DNMT3A: variants seen among roughly 807,000 people sequenced by gnomAD.
The protein encoded by DNMT3A is DNA (cytosine-5)-methyltransferase 3A.
Under a neutral mutation model 117.6 loss-of-function variants are expected in DNMT3A, and 267 were observed. The ratio of observed to expected loss-of-function variants is 2.27; its 90% CI spans 2.05 to 2.51. The LOEUF (loss-of-function observed/expected upper bound fraction) is 2.51, where lower values mean the gene tolerates loss of function less well. Among genes scored for constraint, DNMT3A ranks in the 30% most tolerant of loss-of-function variants. DNMT3A has a pLI of 0.00. For synonymous variants in DNMT3A, 432 were observed against 474.8 expected (o/e 0.91, Z 1.17); for missense variants, 1,029 against 1,260.2 (o/e 0.82, Z 2.78).
In DNMT3A at chr2:25,243,966, T is replaced by TA. The variant is rs1553412022; in HGVS notation, c.1867dup (p.Tyr623LeufsTer7). 6.4e-7 allele frequency: 1 copy of TA among 1,553,506 alleles called. No individual in the cohort carries two copies. ...CCTCTTCTCAGCTGGGACAGGTGGG[T>TA]AAACCTTTGGAGGGTCCTAAGCAGT... On this transcript the variant is annotated frameshift_variant, in exon 16 of 23. Coordinates refer to ENST00000321117, the MANE Select transcript of DNMT3A (RefSeq NM_022552.5). LOFTEE classifies it high-confidence loss of function.
intron 6 of DNMT3A, among the ~76,000 whole-genome samples, chr2:25,266,827 A>T (rs1219359811): frequency 6.6e-6 from 1 of 152,258 alleles, no homozygotes; most frequent in Admixed American, 6.5e-5. Context: ...TCACAGAAGC[A>T]TAAATTGGAG....
At chr2:25,269,139 T>G (rs1280078068) in intron 6 of DNMT3A, among the ~76,000 whole-genome samples, 1 of 152,138 alleles carries the variant, frequency 6.6e-6, no homozygotes, top group African/African-American at 2.4e-5. Context: ...CAGGTCAACA[T>G]AGCAAAACCC....
Position 25,282,434 on chromosome 2 carries a change from G to A in DNMT3A, c.448+7C>T, listed in dbSNP as rs773465605. The A allele has an allele frequency of 8.7e-6, 14 of 1,611,492 alleles. No individual in the cohort carries two copies. The highest frequency in any genetic ancestry group is 2.7e-5 in the African/African-American group (2 of 74,874). On this transcript the variant is annotated splice_region_variant and intron_variant, in intron 4 of 22. Coordinates refer to ENST00000321117, the MANE Select transcript of DNMT3A (RefSeq NM_022552.5). The surrounding 1 kb of genome is among the most constrained non-coding windows in gnomAD (Gnocchi z 5.2). ...AGAAGAGGCTGCCCCTGGTGCTGAG[G>A]ACTCACCCGCTTCTGCAGGGGCTCC...
At chr2:25,276,897 C>T (rs1194192093) in intron 4 of DNMT3A, among the ~76,000 whole-genome samples, 1 of 152,262 alleles carries the variant, frequency 6.6e-6, no homozygotes, top group Non-Finnish European at 1.5e-5. Flanking sequence ...AGTGTTCACG[C>T]CGCGGGTCCT....
chr2:25,280,866 G>C (rs1050981232), intron 4 of DNMT3A, among the ~76,000 whole-genome samples: 2 of 152,210 alleles, frequency 1.3e-5, no homozygotes, highest in African/African-American at 2.4e-5. Flanking sequence ...CTCAAGGCCA[G>C]AGAACAGCTT....
intron 6 of DNMT3A, among the ~76,000 whole-genome samples, chr2:25,264,132 GTTTTTTTTTTT>G (rs1175186554): frequency 1.4e-5 from 1 of 73,740 alleles, no homozygotes; most frequent in Non-Finnish European, 2.3e-5. Flanking sequence ...CAACCCTTTG[GTTTTTTTTTTT>G]TTTTTTTTTT....
rs891926750 is a variant in DNMT3A, at chr2:25,293,582, G to A, written c.177+6557C>T. 2.6e-5 allele frequency among the ~76,000 whole-genome samples: 4 copies of A among 151,880 alleles called. No homozygotes were observed. Among genetic ancestry groups the A allele is most frequent in the African/African-American group, 9.7e-5 (4 of 41,314 alleles). Reference sequence around the variant, plus strand: ...TGGCTCACTGCAGCCTCAACCTCCCGGGGTCAAGAGATCCTCCTGCCTTAG... The same window carrying A: ...TGGCTCACTGCAGCCTCAACCTCCCAGGGTCAAGAGATCCTCCTGCCTTAG... On this transcript the variant is annotated intron_variant, in intron 3 of 22. Coordinates refer to ENST00000321117, the MANE Select transcript of DNMT3A (RefSeq NM_022552.5). This position sits in a 1 kb window ranked among gnomAD's most constrained non-coding sequence, Gnocchi z 4.7.
chr2:25,232,203 C>G lies in DNMT3A; in HGVS notation c.*2076G>C, dbSNP rs1200158459. ...ACTTGGGGCCATGTGCTTGCCGACACACCTCCCAGCTCTACCAGTCCCAGG... is the reference window on the plus strand; with the variant it reads ...ACTTGGGGCCATGTGCTTGCCGACAGACCTCCCAGCTCTACCAGTCCCAGG... On this transcript the variant is annotated 3_prime_UTR_variant, in exon 23 of 23. Transcript: ENST00000321117. This position sits in a 1 kb window ranked among gnomAD's most constrained non-coding sequence, Gnocchi z 4.1. 1 of 152,158 alleles carries G rather than the reference C, an allele frequency of 6.6e-6. No homozygotes were observed. Among genetic ancestry groups the G allele is most frequent in the Non-Finnish European group, 1.5e-5 (1 of 68,060 alleles). 9.4% of individuals were successfully genotyped at this position (152,158 alleles called of 1,614,324 possible). A position where few individuals can be genotyped will look rare whatever the true frequency, so the allele number is the denominator to read the frequency against.
intron 3 of DNMT3A, among the ~76,000 whole-genome samples, chr2:25,289,626 G>A (rs1444401792): frequency 2.0e-5 from 3 of 152,312 alleles, no homozygotes; most frequent in Admixed American, 6.5e-5. Flanking sequence ...GCCGACTCCC[G>A]CTCTGGGTTG....
intron 3 of DNMT3A, among the ~76,000 whole-genome samples, chr2:25,292,955 G>A (rs924256211): frequency 2.0e-5 from 3 of 152,006 alleles, no homozygotes; most frequent in South Asian, 2.1e-4. Context: ...TGAATGACTC[G>A]CTGAAGGTGG....
intron 2 of DNMT3A, among the ~76,000 whole-genome samples, chr2:25,309,611 A>G (rs2033990421): frequency 6.6e-6 from 1 of 152,182 alleles, no homozygotes; most frequent in Non-Finnish European, 1.5e-5. Flanking sequence ...AGGAGCGCAG[A>G]AGCCAGCCTC....
intron 3 of DNMT3A, among the ~76,000 whole-genome samples, chr2:25,291,843 G>A (rs978158640): frequency 5.3e-5 from 8 of 152,202 alleles, no homozygotes; most frequent in Non-Finnish European, 1.0e-4. Context: ...GTGAGTGGCC[G>A]GCCCACTCAG....
chr2:25,258,951 G>T (rs919844429), intron 6 of DNMT3A, among the ~76,000 whole-genome samples: 3 of 152,160 alleles, frequency 2.0e-5, no homozygotes, highest in Non-Finnish European at 4.4e-5. Flanking sequence ...GATGCAGGAT[G>T]GGGGAGCCCA....
intron 2 of DNMT3A, among the ~76,000 whole-genome samples, chr2:25,301,252 G>C (rs1218470844): frequency 7.8e-6 from 1 of 127,458 alleles, no homozygotes; most frequent in Non-Finnish European, 1.7e-5. Context: ...CTGGGAGACA[G>C]AGCGAGACTG....
chr2:25,277,780 G>C (rs1326955523), intron 4 of DNMT3A, among the ~76,000 whole-genome samples: 1 of 152,104 alleles, frequency 6.6e-6, no homozygotes, highest in Admixed American at 6.5e-5. Context: ...GGGGTGGAGT[G>C]ACTTAAGGCC....
Position 25,329,676 on chromosome 2 carries a change from CACACACACACACACACA to C in DNMT3A, c.-178+12133_-178+12149del, listed in dbSNP as rs1558746489. Among the ~76,000 whole-genome samples the C allele has an allele frequency of 7.7e-3, 256 of 33,306 alleles. 7 individuals are homozygous for C. Among genetic ancestry groups the C allele is most frequent in the African/African-American group, 0.012 (240 of 19,728 alleles). 21.9% of individuals were successfully genotyped at this position (33,306 alleles called of 152,430 possible). ...GTCTCTCACAGTCATGCAGACCCCA[CACACACACACACACACA>C]CACACACACACACACACACAGACAC... On this transcript the variant is annotated intron_variant, in intron 1 of 22. Coordinates refer to ENST00000321117, the MANE Select transcript of DNMT3A (RefSeq NM_022552.5).
intron 1 of DNMT3A, among the ~76,000 whole-genome samples, chr2:25,328,899 G>C (rs980236182): frequency 1.3e-5 from 2 of 152,134 alleles, no homozygotes; most frequent in Admixed American, 1.3e-4. Flanking sequence ...CAGGAATCAG[G>C]GGGGCTGAGT....
At chr2:25,262,556 C>G (rs1192950710) in intron 6 of DNMT3A, among the ~76,000 whole-genome samples, 1 of 152,168 alleles carries the variant, frequency 6.6e-6, no homozygotes, top group Non-Finnish European at 1.5e-5. Context: ...CAACCAGGAC[C>G]AGTTCTAGCA....
intron 1 of DNMT3A, among the ~76,000 whole-genome samples, chr2:25,326,559 A>C (rs1430082064): frequency 6.6e-6 from 1 of 152,168 alleles, no homozygotes; most frequent in African/African-American, 2.4e-5. Flanking sequence ...AGCTGGCACA[A>C]CTGTGGAGGG....
Sources: allele counts gnomAD v4.1 joint callset (sites outside exome capture counted in the v4.1 genomes callset), GRCh38; gene constraint gnomAD v4.1.1; non-coding constraint Gnocchi (gnomAD v3.1); transcripts MANE v1.5; gene names NCBI Gene and HGNC (gene_info 2026-07-23, HGNC 2026-07-21).